Variants in EXT1 observed in about 807,000 individuals in gnomAD.
EXT1 encodes the protein exostosin-1.
In EXT1, 20 loss-of-function variants were observed where a neutral mutation model predicts 82.5. That is an observed-to-expected ratio of 0.24 (90% CI 0.17 to 0.35). The LOEUF (loss-of-function observed/expected upper bound fraction) is 0.35, where lower values mean the gene tolerates loss of function less well. Ranked by LOEUF, EXT1 falls within the 10% of genes least tolerant of loss-of-function variation. EXT1 has a pLI of 1.00. For synonymous variants in EXT1, 348 were observed against 350.8 expected, an observed-to-expected ratio of 0.99 and a Z score of 0.09; for missense variants, 757 against 936.5, an observed-to-expected ratio of 0.81 and a Z score of 2.50.
intron 1 of EXT1, among the ~76,000 whole-genome samples, chr8:117,906,544 T>C (rs1250710746): frequency 6.6e-6 from 1 of 152,166 alleles, no homozygotes; most frequent in African/African-American, 2.4e-5. Context: ...GTATGACAGC[T>C]CTCCAACACC....
At chr8:117,874,279 C>A (rs1812927559) in intron 1 of EXT1, among the ~76,000 whole-genome samples, 1 of 152,022 alleles carries the variant, frequency 6.6e-6, no homozygotes, top group Admixed American at 6.5e-5. Context: ...TCCATTATAT[C>A]TTTTTAAAGG....
intron 1 of EXT1, among the ~76,000 whole-genome samples, chr8:117,953,983 T>A (rs1814542215): frequency 6.6e-6 from 1 of 152,212 alleles, no homozygotes; most frequent in Non-Finnish European, 1.5e-5. Flanking sequence ...TGCCTGGCAC[T>A]GTCTTGCATG....
chr8:118,101,965 A>C (rs936229122), intron 1 of EXT1, among the ~76,000 whole-genome samples: 6 of 152,072 alleles, frequency 3.9e-5, no homozygotes, highest in East Asian at 1.9e-4. Context: ...AAAAAAAAAA[A>C]CAAGTTAAAT....
At chr8:118,044,566 C>T (rs1345930551) in intron 1 of EXT1, among the ~76,000 whole-genome samples, 1 of 152,164 alleles carries the variant, frequency 6.6e-6, no homozygotes, top group Non-Finnish European at 1.5e-5. Flanking sequence ...CGCCATCATG[C>T]CTGGCTAATT....
intron 1 of EXT1, among the ~76,000 whole-genome samples, chr8:117,995,693 G>T (rs778218667): frequency 3.9e-5 from 6 of 152,122 alleles, no homozygotes; most frequent in Admixed American, 2.6e-4. Flanking sequence ...TTAAGATCCA[G>T]TTTTCATGTT....
chr8:117,988,569 G>C (rs1421144340), intron 1 of EXT1, among the ~76,000 whole-genome samples: 1 of 152,178 alleles, frequency 6.6e-6, no homozygotes, highest in East Asian at 1.9e-4. Flanking sequence ...GAACAGAGAG[G>C]GGTCAGGATC....
At chr8:118,052,394 T>C (rs192649011) in intron 1 of EXT1, among the ~76,000 whole-genome samples, 12 of 152,376 alleles carry the variant, frequency 7.9e-5, no homozygotes, top group Admixed American at 6.5e-4. Context: ...CAGTGTCTGT[T>C]ATTCTATTCT....
chr8:117,809,713 G>T (rs186082661), intron 8 of EXT1, among the ~76,000 whole-genome samples: 1 of 151,952 alleles, frequency 6.6e-6, no homozygotes, highest in African/African-American at 2.4e-5. Context: ...TAGGGAGCAC[G>T]TTATCTCAAA....
chr8:117,837,218 A>C lies in EXT1; in HGVS notation c.963-17T>G. ...TAATCATACCTAGAAAGAGAAGAGG[A>C]GTAAACAGCAAATGAAGACTCATTG... On this transcript the variant is annotated splice_polypyrimidine_tract_variant and intron_variant, in intron 1 of 10. Transcript: ENST00000378204. 6.3e-7 allele frequency: 1 copy of C among 1,595,754 alleles called. No individual in the cohort carries two copies. Among genetic ancestry groups the C allele is most frequent in the Non-Finnish European group, 8.6e-7 (1 of 1,163,448 alleles).
intron 1 of EXT1, among the ~76,000 whole-genome samples, chr8:118,057,225 C>T (rs1816807749): frequency 6.6e-6 from 1 of 152,184 alleles, no homozygotes; most frequent in East Asian, 1.9e-4. Flanking sequence ...TGGGCCATAA[C>T]AAGTCTCCTA....
intron 1 of EXT1, among the ~76,000 whole-genome samples, chr8:117,854,606 T>C (rs1440179332): frequency 6.6e-6 from 1 of 152,200 alleles, no homozygotes; most frequent in Non-Finnish European, 1.5e-5. Context: ...GTTTATAAAA[T>C]AATACCTTAG....
At chr8:117,830,081 G>T in intron 4 of EXT1, 149 bp downstream of exon 4, 2 of 976,360 alleles carry the variant, frequency 2.0e-6, no homozygotes, top group Non-Finnish European at 3.1e-6. Flanking sequence ...TGGCAAAGCA[G>T]GTAAAAGAGG....
rs368278219 is a variant in EXT1, at chr8:117,936,194, AC to A, written c.963-98994del. ...TATCCATGTTCTCCTCACCAACAAA[AC>A]CCTTGAAGACTGGAATTTCCCTGCC... is the stretch of plus-strand genomic sequence containing the variant. On this transcript the variant is annotated intron_variant, in intron 1 of 10. Coordinates refer to ENST00000378204, the MANE Select transcript of EXT1 (RefSeq NM_000127.3). 6.7e-3 allele frequency among the ~76,000 whole-genome samples: 1,020 copies of A among 152,148 alleles called. 16 individuals are homozygous for A. Among genetic ancestry groups the A allele is most frequent in the African/African-American group, 0.023 (973 of 41,486 alleles).
At chr8:117,810,702 T>C (rs932165400) in intron 8 of EXT1, among the ~76,000 whole-genome samples, 2 of 152,194 alleles carry the variant, frequency 1.3e-5, no homozygotes, top group African/African-American at 2.4e-5. Flanking sequence ...TGTTGCACCA[T>C]GGCGGTGTGC....
At chr8:117,825,688 T>C (rs1462558068) in intron 4 of EXT1, among the ~76,000 whole-genome samples, 2 of 152,214 alleles carry the variant, frequency 1.3e-5, no homozygotes, top group African/African-American at 2.4e-5. Context: ...ACCAGAGCAC[T>C]GTAGCCTAAG....
At chr8:118,059,067 T>C (rs144510476) in intron 1 of EXT1, among the ~76,000 whole-genome samples, 2 of 152,236 alleles carry the variant, frequency 1.3e-5, no homozygotes, top group African/African-American at 4.8e-5. Context: ...TGTAAATTGC[T>C]GGTACTATGC....
intron 1 of EXT1, among the ~76,000 whole-genome samples, chr8:117,986,019 T>A (rs1815309327): frequency 6.6e-6 from 1 of 152,206 alleles, no homozygotes; most frequent in Admixed American, 6.5e-5. Context: ...CCTAGTGTAT[T>A]CTTGACTTTT....
intron 1 of EXT1, among the ~76,000 whole-genome samples, chr8:117,886,892 A>C (rs531890379): frequency 6.6e-6 from 1 of 152,196 alleles, no homozygotes; most frequent in Non-Finnish European, 1.5e-5. Flanking sequence ...CTTAAGATTT[A>C]AAAAAAGAAA....
At chr8:118,088,783 T>C (rs1041740544) in intron 1 of EXT1, among the ~76,000 whole-genome samples, 3 of 152,158 alleles carry the variant, frequency 2.0e-5, no homozygotes, top group Non-Finnish European at 4.4e-5. Flanking sequence ...AGATATTATC[T>C]GGCCAGTTAT....
Sources: allele counts gnomAD v4.1 joint callset (sites outside exome capture counted in the v4.1 genomes callset), GRCh38; gene constraint gnomAD v4.1.1; transcripts MANE v1.5; gene names NCBI Gene and HGNC (gene_info 2026-07-23, HGNC 2026-07-21).